ASAP1: variants seen among roughly 807,000 people sequenced by gnomAD.
The protein encoded by ASAP1 is arf-GAP with SH3 domain, ANK repeat and PH domain-containing protein 1.
In ASAP1, 43 loss-of-function variants were observed where a neutral mutation model predicts 145.2. The observed-to-expected ratio is 0.30, with a 90% CI of 0.23 to 0.38. The LOEUF is 0.38. Ranked by LOEUF, ASAP1 falls within the 10% of genes least tolerant of loss-of-function variation. The pLI, the probability that ASAP1 is intolerant of heterozygous loss-of-function variation, is 1.00. For synonymous variants in ASAP1, 546 were observed against 515.5 expected (o/e 1.06, Z -0.80); for missense variants, 1,018 against 1,355.3 (o/e 0.75, Z 3.91).
At chr8:130,229,708 A>G (rs1443616228) in intron 4 of ASAP1, among the ~76,000 whole-genome samples, 1 of 152,214 alleles carries the variant, frequency 6.6e-6, no homozygotes, top group Non-Finnish European at 1.5e-5. Context: ...ATTCACCTTT[A>G]ACAGAGCAAA....
chr8:130,208,617 A>T (rs534825255), intron 5 of ASAP1: 1 of 152,210 alleles, frequency 6.6e-6, no homozygotes, highest in Non-Finnish European at 1.5e-5. Context: ...AAGACAAAAG[A>T]TCTTGCACGT....
chr8:130,388,598 A>G (rs1235430442), intron 2 of ASAP1, among the ~76,000 whole-genome samples: 1 of 152,212 alleles, frequency 6.6e-6, no homozygotes, highest in Non-Finnish European at 1.5e-5. Flanking sequence ...ATTTAGAGGT[A>G]AGTTGGAGCA....
intron 3 of ASAP1, among the ~76,000 whole-genome samples, chr8:130,283,301 C>CT (rs1554870330): frequency 6.6e-6 from 1 of 152,146 alleles, no homozygotes; most frequent in Non-Finnish European, 1.5e-5. Flanking sequence ...CAAAAAAACA[C>CT]TGGGTACAGT....
At chr8:130,346,993 T>C (rs181778294) in intron 3 of ASAP1, among the ~76,000 whole-genome samples, 10 of 152,310 alleles carry the variant, frequency 6.6e-5, no homozygotes, top group African/African-American at 1.7e-4. Context: ...CGTATGTAAC[T>C]GGGCAGTGAA....
chr8:130,075,599 T>C (rs982854244), intron 27 of ASAP1, among the ~76,000 whole-genome samples: 1 of 152,204 alleles, frequency 6.6e-6, no homozygotes, highest in Non-Finnish European at 1.5e-5. Flanking sequence ...TGGAATGATC[T>C]AGATGCTCCT....
intron 1 of ASAP1, among the ~76,000 whole-genome samples, chr8:130,426,925 G>T (rs992828108): frequency 6.6e-5 from 10 of 152,170 alleles, no homozygotes; most frequent in African/African-American, 2.2e-4. Flanking sequence ...TGAGGATAGG[G>T]ATTTTTCTCT....
intron 1 of ASAP1, among the ~76,000 whole-genome samples, chr8:130,409,861 C>T (rs1247354547): frequency 2.0e-5 from 3 of 152,200 alleles, no homozygotes; most frequent in Non-Finnish European, 4.4e-5. Flanking sequence ...ATAGCCTACT[C>T]TGAGTATACT....
At chr8:130,439,952 G>C (rs1442094109) in intron 1 of ASAP1, among the ~76,000 whole-genome samples, 1 of 152,136 alleles carries the variant, frequency 6.6e-6, no homozygotes, top group Admixed American at 6.5e-5. Flanking sequence ...TTTTCTCCAT[G>C]AGCATAATCC....
At chr8:130,121,548 G>A (rs1321532830) in intron 18 of ASAP1, among the ~76,000 whole-genome samples, 2 of 152,118 alleles carry the variant, frequency 1.3e-5, no homozygotes, top group East Asian at 1.9e-4. Context: ...CTGGGAGGCC[G>A]AGGTGGGTGA....
chr8:130,152,704 A>G (rs756939835), intron 13 of ASAP1, 32 bp downstream of exon 13: 1 of 1,561,136 alleles, frequency 6.4e-7, no homozygotes, highest in South Asian at 1.1e-5. Context: ...TTTCTGGCCC[A>G]TGAGGCAGGG....
chr8:130,159,345 G>A (rs991693123), intron 12 of ASAP1, among the ~76,000 whole-genome samples: 4 of 151,894 alleles, frequency 2.6e-5, no homozygotes, highest in Admixed American at 6.6e-5. Context: ...TAGAGGGGCC[G>A]GGCACGGTGG....
intron 28 of ASAP1, among the ~76,000 whole-genome samples, chr8:130,059,206 C>T (rs964693192): frequency 6.6e-6 from 1 of 151,850 alleles, no homozygotes; most frequent in African/African-American, 2.4e-5. Flanking sequence ...ACTCTGTTGC[C>T]CAGGCTAGAG....
At chr8:130,070,390 G>T (rs1220925244) in intron 27 of ASAP1, among the ~76,000 whole-genome samples, 2 of 152,142 alleles carry the variant, frequency 1.3e-5, no homozygotes, top group East Asian at 3.9e-4. Flanking sequence ...GTATCACACT[G>T]GAGAATGTTT....
intron 27 of ASAP1, among the ~76,000 whole-genome samples, chr8:130,076,018 G>A (rs2097461519): frequency 1.3e-5 from 2 of 152,192 alleles, no homozygotes; most frequent in Admixed American, 1.3e-4. Context: ...AGGCCACACA[G>A]CTACTAAGTG....
Position 130,347,966 on chromosome 8 carries a change from CCTAACACA to C in ASAP1, c.186+10043_186+10050del, listed in dbSNP as rs548677658. On this transcript the variant is annotated intron_variant, in intron 3 of 29. Transcript: ENST00000518721. ...GAAGGGACCTCTTACAATAAAACAG[CCTAACACA>C]CTTGGGGTTTCTAGGCCTCAGCTTC... Among the ~76,000 whole-genome samples the C allele has an allele frequency of 4.3e-4, 66 of 152,274 alleles. 1 individual carries two copies. In the East Asian group the frequency reaches 8.3e-3, roughly 19 times the overall value.
chr8:130,251,414 T>C (rs959617793), intron 3 of ASAP1, among the ~76,000 whole-genome samples: 2 of 152,086 alleles, frequency 1.3e-5, no homozygotes, highest in Admixed American at 1.3e-4. Flanking sequence ...TGAGACTCTG[T>C]CTTAAAATAA....
At chr8:130,386,116 G>A (rs898924407) in intron 2 of ASAP1, among the ~76,000 whole-genome samples, 3 of 152,206 alleles carry the variant, frequency 2.0e-5, no homozygotes, top group Admixed American at 6.5e-5. Context: ...GGTGGCTTTA[G>A]GACCGATGCT....
At chr8:130,415,054 G>A (rs1041590817) in intron 1 of ASAP1, among the ~76,000 whole-genome samples, 3 of 152,192 alleles carry the variant, frequency 2.0e-5, no homozygotes, top group African/African-American at 2.4e-5. Context: ...CACTGTGCCC[G>A]GCACACTTCC....
chr8:130,127,641 C>G (rs917536508), intron 16 of ASAP1, among the ~76,000 whole-genome samples: 2 of 152,104 alleles, frequency 1.3e-5, no homozygotes, highest in African/African-American at 4.8e-5. Flanking sequence ...CCCCATGCCC[C>G]CTACTCTCTC....
Sources: allele counts gnomAD v4.1 joint callset (sites outside exome capture counted in the v4.1 genomes callset), GRCh38; gene constraint gnomAD v4.1.1; transcripts MANE v1.5; gene names NCBI Gene and HGNC (gene_info 2026-07-23, HGNC 2026-07-21).